Variants in NRXN3 observed in about 807,000 individuals in gnomAD.
NRXN3 encodes the protein neurexin 3.
A neutral mutation model predicts 137.6 loss-of-function variants in NRXN3; 32 were observed. The ratio of observed to expected loss-of-function variants is 0.23; its 90% CI spans 0.18 to 0.31. The LOEUF (loss-of-function observed/expected upper bound fraction) is 0.31, where lower values mean the gene tolerates loss of function less well. NRXN3 is among the 10% of genes least tolerant of loss of function. The pLI is 1.00. For missense variants in NRXN3, 1,574 were observed against 2,062.5 expected (o/e 0.76, Z 4.59); for synonymous variants, 798 against 784.5 (o/e 1.02, Z -0.29).
At chr14:79,760,100 C>A (rs1185129316) in intron 19 of NRXN3, among the ~76,000 whole-genome samples, 1 of 151,458 alleles carries the variant, frequency 6.6e-6, no homozygotes, top group Non-Finnish European at 1.5e-5. Flanking sequence ...TGTAAATTTC[C>A]AACTGAGTAC....
intron 20 of NRXN3, among the ~76,000 whole-genome samples, chr14:79,852,322 T>A (rs1213696539): frequency 6.6e-6 from 1 of 150,654 alleles, no homozygotes; most frequent in East Asian, 2.0e-4. Context: ...AGCCTTCAGA[T>A]GTCCTTCACC....
chr14:79,861,298 T>A lies in NRXN3; in HGVS notation c.4094-44T>A, dbSNP rs2099413497. ...AAACCTTTGACTCTAACCTGCCCCC[T>A]ACTGATGATGAAGATTTTTACACCA... is the stretch of plus-strand genomic sequence containing the variant. On this transcript the variant is annotated intron_variant, in intron 20 of 20. Coordinates refer to ENST00000335750, the MANE Select transcript of NRXN3 (RefSeq NM_001330195.2). The surrounding 1 kb of genome is among the most constrained non-coding windows in gnomAD (Gnocchi z 5.4). 3.9e-6 allele frequency: 6 copies of A among 1,535,976 alleles called. No individual in the cohort carries two copies. In the East Asian group the frequency reaches 1.5e-4, roughly 38 times the overall value.
intron 1 of NRXN3, among the ~76,000 whole-genome samples, chr14:78,208,749 A>G (rs992701396): frequency 4.6e-5 from 7 of 152,220 alleles, no homozygotes; most frequent in Non-Finnish European, 7.3e-5. Context: ...TGATGAGGCT[A>G]TGTGAGGATT....
chr14:79,660,126 C>T (rs1002418782), intron 16 of NRXN3, among the ~76,000 whole-genome samples: 2 of 152,132 alleles, frequency 1.3e-5, no homozygotes, highest in African/African-American at 4.8e-5. Context: ...CTTTTGTTCC[C>T]TCACATCTTC....
rs1434971256 is a variant in NRXN3, at chr14:78,314,873, T to TTTCC, written c.757+17014_757+17017dup. On this transcript the variant is annotated intron_variant, in intron 4 of 20. Coordinates refer to ENST00000335750, the MANE Select transcript of NRXN3 (RefSeq NM_001330195.2). ...GTATGTGTATTTTGTGTATTTTTCT[T>TTTCC]TTCCGTTCTTTCTTTCTTTCTCTTT... 9.3e-3 allele frequency among the ~76,000 whole-genome samples: 761 copies of TTTCC among 81,464 alleles called. 17 individuals are homozygous for TTTCC. Among genetic ancestry groups the TTTCC allele is most frequent in the Non-Finnish European group, 0.013 (412 of 32,908 alleles). 53.4% of individuals were successfully genotyped at this position (81,464 alleles called of 152,430 possible). A position where few individuals can be genotyped will look rare whatever the true frequency, so the allele number is the denominator to read the frequency against.
At chr14:78,743,734 T>C (rs1031719225) in intron 8 of NRXN3, among the ~76,000 whole-genome samples, 73 of 152,326 alleles carry the variant, frequency 4.8e-4, no homozygotes, top group African/African-American at 1.7e-3. Flanking sequence ...AGAACGAGGT[T>C]GTAAAGAACC....
chr14:79,016,956 A>T (rs1008278558), intron 15 of NRXN3, among the ~76,000 whole-genome samples: 1 of 152,142 alleles, frequency 6.6e-6, no homozygotes. Context: ...AATGGGGAAA[A>T]GGCTCGTGGG....
chr14:79,139,220 G>C (rs1356568787), intron 15 of NRXN3, among the ~76,000 whole-genome samples: 1 of 152,204 alleles, frequency 6.6e-6, no homozygotes, highest in Non-Finnish European at 1.5e-5. Flanking sequence ...TGGTCTCCAT[G>C]AATGGGATCA....
intron 15 of NRXN3, among the ~76,000 whole-genome samples, chr14:79,368,410 A>G (rs147483768): frequency 3.2e-4 from 48 of 152,344 alleles, no homozygotes; most frequent in African/African-American, 1.1e-3. Flanking sequence ...CTAGAAATGC[A>G]TATGAATTAT....
chr14:79,747,035 G>A (rs1408164521), intron 19 of NRXN3, among the ~76,000 whole-genome samples: 1 of 151,962 alleles, frequency 6.6e-6, no homozygotes, highest in Admixed American at 6.6e-5. Flanking sequence ...TACACAATAG[G>A]GCATTTGGCT....
chr14:78,618,921 G>T (rs912479296), intron 4 of NRXN3, among the ~76,000 whole-genome samples: 4 of 152,322 alleles, frequency 2.6e-5, no homozygotes, highest in African/African-American at 9.6e-5. Context: ...TAGGAATTTT[G>T]CTTCTTTCTT....
At chr14:78,444,373 C>A (rs976915991) in intron 4 of NRXN3, among the ~76,000 whole-genome samples, 5 of 152,104 alleles carry the variant, frequency 3.3e-5, no homozygotes, top group African/African-American at 1.2e-4. Context: ...CTCCATCATG[C>A]GGCTTTCCTC....
intron 10 of NRXN3, among the ~76,000 whole-genome samples, chr14:78,901,294 T>C (rs1216462279): frequency 6.6e-6 from 1 of 151,990 alleles, no homozygotes; most frequent in African/African-American, 2.4e-5. Flanking sequence ...AATTGTCTTT[T>C]ATTCTTTCTT....
intron 16 of NRXN3, among the ~76,000 whole-genome samples, chr14:79,592,269 C>T (rs1057203859): frequency 6.6e-6 from 1 of 152,098 alleles, no homozygotes; most frequent in African/African-American, 2.4e-5. Flanking sequence ...AACTGAGTCT[C>T]AAAGATTTGA....
intron 4 of NRXN3, among the ~76,000 whole-genome samples, chr14:78,309,199 G>A (rs1332363195): frequency 6.6e-6 from 1 of 152,048 alleles, no homozygotes; most frequent in African/African-American, 2.4e-5. Context: ...GGGTGAATTT[G>A]AGGAAGTTTT....
intron 20 of NRXN3, among the ~76,000 whole-genome samples, chr14:79,836,843 G>T (rs567045600): frequency 4.2e-4 from 64 of 152,190 alleles, no homozygotes; most frequent in Admixed American, 8.5e-4. Context: ...TAGCTTCTGT[G>T]TTGTCATTTT....
chr14:79,355,990 G>A (rs1376956806), intron 15 of NRXN3, among the ~76,000 whole-genome samples: 2 of 152,084 alleles, frequency 1.3e-5, no homozygotes, highest in Non-Finnish European at 2.9e-5. Flanking sequence ...TTAGAATAGG[G>A]AAAATGAAAT....
At chr14:79,039,938 A>C (rs2099622435) in intron 15 of NRXN3, among the ~76,000 whole-genome samples, 1 of 152,164 alleles carries the variant, frequency 6.6e-6, no homozygotes, top group Non-Finnish European at 1.5e-5. Flanking sequence ...TACTGACCTC[A>C]AATGATCTTC....
chr14:78,627,324 G>A (rs990906685), intron 4 of NRXN3, among the ~76,000 whole-genome samples: 1 of 152,130 alleles, frequency 6.6e-6, no homozygotes, highest in East Asian at 1.9e-4. Context: ...CTGGATTGGA[G>A]TCATTTAGGC....
Sources: gnomAD v4.1 joint callset for allele counts (sites outside exome capture counted in the v4.1 genomes callset) on GRCh38, gnomAD v4.1.1 for gene constraint, Gnocchi (gnomAD v3.1) non-coding constraint, MANE v1.5 for transcripts, NCBI Gene and HGNC (gene_info 2026-07-23, HGNC 2026-07-21) for gene names.